The following TCP11L2 variants were observed in gnomAD, a reference collection of about 807,000 sequenced individuals.
The protein encoded by TCP11L2 is T-complex protein 11-like protein 2.
A neutral mutation model predicts 50.7 loss-of-function variants in TCP11L2; 39 were observed. That is an observed-to-expected ratio of 0.77 (90% confidence interval 0.60 to 1.01). The LOEUF is 1.01. TCP11L2 is among the 50% of genes least tolerant of loss of function. The pLI is 0.00. For synonymous variants in TCP11L2, 192 were observed against 219.3 expected, an observed-to-expected ratio of 0.88 and a Z score of 1.10; for missense variants, 612 against 614.7, an observed-to-expected ratio of 1.00 and a Z score of 0.05.
At chr12:106,332,549 T>C (rs2035782764) in intron 6 of TCP11L2, among the ~76,000 whole-genome samples, 1 of 152,236 alleles carries the variant, frequency 6.6e-6, no homozygotes, top group Admixed American at 6.5e-5. Context: ...GTTATTTTGC[T>C]GGTCTGCTCA....
rs745547492 is a variant in TCP11L2 at position 106,311,239 on chromosome 12, C to T, written c.157+7C>T. The stretch of plus-strand genomic sequence containing the variant: ...AAATCCAGCTCTCCTGCTTGTGAGC[C>T]GATGGGGGAGCAGGGGTTGTGGGTG... On this transcript the variant is annotated splice_region_variant and intron_variant, in intron 2 of 9. Transcript: ENST00000299045. The T allele has an allele frequency of 3.8e-5, 62 of 1,612,844 alleles. No individual in the cohort carries two copies. The highest frequency in any genetic ancestry group is 1.6e-4 in the Middle Eastern group (1 of 6,080).
intron 8 of TCP11L2, among the ~76,000 whole-genome samples, chr12:106,339,001 C>T (rs1022013030): frequency 6.6e-6 from 1 of 152,104 alleles, no homozygotes; most frequent in South Asian, 2.1e-4. Flanking sequence ...AATAATTAGC[C>T]GAGCATGGTG....
At position 106,345,364 on chromosome 12, in the gene TCP11L2, G is replaced by A. The variant is rs548698687; in HGVS notation, c.1316-922G>A. Among the ~76,000 whole-genome samples the A allele has an allele frequency of 2.6e-5, 4 of 152,256 alleles. No individual in the cohort carries two copies. The East Asian group carries it at 7.7e-4, about 29-fold the overall frequency. Reference sequence around the variant, plus strand: ...TTTTAAAATTATGCCAGGACAACAGGTGTAAATTTTGACTGTCCTGGGGAA... The same window carrying A: ...TTTTAAAATTATGCCAGGACAACAGATGTAAATTTTGACTGTCCTGGGGAA... On this transcript the variant is annotated intron_variant, in intron 9 of 9. Transcript: ENST00000299045.
upstream of TCP11L2, among the ~76,000 whole-genome samples, chr12:106,298,775 G>A (rs919115991): frequency 3.2e-4 from 49 of 151,330 alleles, no homozygotes; most frequent in Admixed American, 2.5e-3. Flanking sequence ...CACCTGCCTC[G>A]GCCTCCCAAA....
upstream of TCP11L2, among the ~76,000 whole-genome samples, chr12:106,299,007 G>A (rs866818338): frequency 7.9e-5 from 12 of 151,828 alleles, no homozygotes; most frequent in Non-Finnish European, 8.8e-5. Flanking sequence ...GTAGAGACAG[G>A]GTTTCACTAT....
intron 6 of TCP11L2, among the ~76,000 whole-genome samples, chr12:106,332,668 A>G (rs551282172): frequency 2.0e-5 from 3 of 152,312 alleles, no homozygotes; most frequent in Admixed American, 2.0e-4. Context: ...TTGGTTCCTG[A>G]TGAGGGCTTT....
chr12:106,316,442 C>T (rs978772594), intron 3 of TCP11L2, among the ~76,000 whole-genome samples: 2 of 152,132 alleles, frequency 1.3e-5, no homozygotes, highest in Admixed American at 6.5e-5. Flanking sequence ...GCCACACTGG[C>T]TTCCTTCCTT....
intron 2 of TCP11L2, among the ~76,000 whole-genome samples, chr12:106,312,719 T>C (rs2034910160): frequency 6.6e-6 from 1 of 152,002 alleles, no homozygotes; most frequent in African/African-American, 2.4e-5. Flanking sequence ...CCATCTCTAC[T>C]AAAAATACAA....
intron 9 of TCP11L2, among the ~76,000 whole-genome samples, chr12:106,341,711 A>G (rs1239169734): frequency 1.3e-5 from 2 of 152,124 alleles, no homozygotes; most frequent in Non-Finnish European, 2.9e-5. Flanking sequence ...AGCTGCCTTC[A>G]CAGGCAGACT....
At chr12:106,310,274 G>A (rs191186539) in intron 1 of TCP11L2, among the ~76,000 whole-genome samples, 2 of 152,268 alleles carry the variant, frequency 1.3e-5, no homozygotes, top group Admixed American at 1.3e-4. Context: ...TGTGAGTCAG[G>A]ATCCTACATG....
chr12:106,330,273 A>G, intron 6 of TCP11L2: 2 of 985,216 alleles, frequency 2.0e-6, no homozygotes, highest in Non-Finnish European at 2.4e-6. Context: ...CATTTTATTC[A>G]AAGTTAGAAG....
upstream of TCP11L2, among the ~76,000 whole-genome samples, chr12:106,299,120 T>C (rs939899312): frequency 6.6e-6 from 1 of 152,140 alleles, no homozygotes; most frequent in Non-Finnish European, 1.5e-5. Flanking sequence ...CCAGCCCATT[T>C]TTTTGCTTTT....
chr12:106,299,191 G>A (rs1178989438), upstream of TCP11L2, among the ~76,000 whole-genome samples: 1 of 152,066 alleles, frequency 6.6e-6, no homozygotes, highest in African/African-American at 2.4e-5. Context: ...AGGCTCTTAA[G>A]GAAGACCATG....
At chr12:106,314,243 T>C (rs2034977708) in intron 2 of TCP11L2, 115 bp from the exon 3 acceptor site, 1 of 1,101,878 alleles carries the variant, frequency 9.1e-7, no homozygotes, top group African/African-American at 1.6e-5. Context: ...TCTCCTGACC[T>C]ATAAAACTCT....
chr12:106,298,466 AG>A (rs1432239498), upstream of TCP11L2, among the ~76,000 whole-genome samples: 5 of 152,216 alleles, frequency 3.3e-5, no homozygotes, highest in South Asian at 2.1e-4. Context: ...GAAGATGGAC[AG>A]GGGAGAGAAA....
intron 6 of TCP11L2, chr12:106,329,852 CAG>C: frequency 1.0e-6 from 1 of 985,774 alleles, no homozygotes; most frequent in South Asian, 4.7e-5. Context: ...CTTTATAAAA[CAG>C]AACTAGCAAA....
intron 6 of TCP11L2, 102 bp downstream of exon 6, chr12:106,323,748 A>AATAAAT (rs1565850293): frequency 0.089 from 25,338 of 284,884 alleles, 1,207 homozygotes; most frequent in Middle Eastern, 0.12. Flanking sequence ...TTAAATTAAT[A>AATAAAT]AATAAATAAA....
chr12:106,337,621 C>T (rs1200165378), intron 8 of TCP11L2, among the ~76,000 whole-genome samples: 2 of 152,194 alleles, frequency 1.3e-5, no homozygotes, highest in Non-Finnish European at 2.9e-5. Flanking sequence ...GACAGGCTTT[C>T]GGGTCAGATG....
intron 1 of TCP11L2, among the ~76,000 whole-genome samples, chr12:106,308,295 A>G (rs2034712254): frequency 6.6e-6 from 1 of 152,140 alleles, no homozygotes; most frequent in East Asian, 1.9e-4. Flanking sequence ...GACTGGCCCA[A>G]CCTCTCAGAA....
Sources: gnomAD v4.1 joint callset for allele counts (sites outside exome capture counted in the v4.1 genomes callset) on GRCh38, gnomAD v4.1.1 for gene constraint, MANE v1.5 for transcripts, NCBI Gene and HGNC (gene_info 2026-07-23, HGNC 2026-07-21) for gene names.